The following MCTP1 variants were observed in gnomAD, a reference collection of about 807,000 sequenced individuals.
MCTP1 encodes multiple C2 and transmembrane domain-containing protein 1.
Under a neutral mutation model 120.6 loss-of-function variants are expected in MCTP1, and 69 were observed. The ratio of observed to expected loss-of-function variants is 0.57; its 90% confidence interval spans 0.47 to 0.70. The LOEUF (loss-of-function observed/expected upper bound fraction) is 0.70, where lower values mean the gene tolerates loss of function less well. Among genes scored for constraint, MCTP1 ranks in the 30% least tolerant of loss-of-function variants. The pLI, the probability that MCTP1 is intolerant of heterozygous loss-of-function variation, is 0.00. For synonymous variants in MCTP1, 529 were observed against 493.1 expected (o/e 1.07, Z -0.96); for missense variants, 1,203 against 1,248.8 (o/e 0.96, Z 0.55).
intron 1 of MCTP1, among the ~76,000 whole-genome samples, chr5:95,165,675 C>T (rs559794687): frequency 2.6e-5 from 4 of 152,302 alleles, no homozygotes; most frequent in African/African-American, 9.6e-5. Context: ...CTGAAGTCCG[C>T]TTGAAACTTA....
At chr5:95,255,794 T>C (rs1757823983) in intron 1 of MCTP1, among the ~76,000 whole-genome samples, 1 of 152,110 alleles carries the variant, frequency 6.6e-6, no homozygotes, top group Admixed American at 6.5e-5. Flanking sequence ...CAATCAAGCA[T>C]CTAACTGCAT....
At chr5:94,924,104 A>G (rs1812398797) in intron 6 of MCTP1, 83 bp from the exon 7 acceptor site, 1 of 858,184 alleles carries the variant, frequency 1.2e-6, no homozygotes. Flanking sequence ...ATAAAATCAA[A>G]GCAAATAAAA....
intron 2 of MCTP1, among the ~76,000 whole-genome samples, chr5:95,016,460 G>C (rs1253796849): frequency 3.9e-5 from 6 of 151,934 alleles, no homozygotes; most frequent in African/African-American, 1.5e-4. Flanking sequence ...TAAAATTGCA[G>C]CCCTAATCTG....
chr5:95,039,622 G>T (rs1162973626), intron 1 of MCTP1, among the ~76,000 whole-genome samples: 1 of 152,036 alleles, frequency 6.6e-6, no homozygotes, highest in African/African-American at 2.4e-5. Context: ...CAGTAAACAA[G>T]TCTGTGATAG....
intron 1 of MCTP1, among the ~76,000 whole-genome samples, chr5:95,251,384 G>C (rs931707311): frequency 6.6e-6 from 1 of 152,150 alleles, no homozygotes; most frequent in Non-Finnish European, 1.5e-5. Context: ...TCAGGTTGAA[G>C]AAGGAGGCAG....
chr5:95,037,114 C>G (rs566897179), intron 1 of MCTP1, among the ~76,000 whole-genome samples: 102 of 152,308 alleles, frequency 6.7e-4, no homozygotes, highest in African/African-American at 2.0e-3. Context: ...AGTCCTCCAC[C>G]TCCTTCAACC....
chr5:95,276,828 T>G (rs1759884080), intron 1 of MCTP1, among the ~76,000 whole-genome samples: 1 of 151,662 alleles, frequency 6.6e-6, no homozygotes, highest in Admixed American at 6.6e-5. Context: ...GGCGGGCGCC[T>G]GCAGTCTCAG....
intron 17 of MCTP1, among the ~76,000 whole-genome samples, chr5:94,804,281 C>A (rs746160058): frequency 2.6e-5 from 4 of 152,160 alleles, no homozygotes; most frequent in Non-Finnish European, 5.9e-5. Flanking sequence ...TCATAGGACC[C>A]TGTGCAAGTC....
chr5:95,017,469 C>T lies in MCTP1; in HGVS notation c.736G>A (p.Ala246Thr). The T allele has an allele frequency of 6.3e-7, 1 of 1,596,860 alleles. No individual in the cohort carries two copies. The highest frequency in any genetic ancestry group is 8.5e-7 in the Non-Finnish European group (1 of 1,171,090). The change falls in exon 2 of 23, where the codon GCT (alanine) becomes ACT (threonine). Residue 246 changes from alanine (A) to threonine (T), a missense_variant. By Grantham distance (58) the Ala-to-Thr change is moderately conservative. This residue lies in a region of MCTP1 where 463 missense variants were observed against 377.8 expected (regional missense o/e 1.23). Transcript: ENST00000515393. ...HGSSQKIINT[A>T]GTSNAEVPLA... ...GGGACTTCTGCATTACTGGTTCCAGCAGTGTTTATTATTTTCTGGAAAACA... is the reference window on the plus strand; with the variant it reads ...GGGACTTCTGCATTACTGGTTCCAGTAGTGTTTATTATTTTCTGGAAAACA...
At chr5:94,711,647 G>A (rs1207284387) in intron 20 of MCTP1, among the ~76,000 whole-genome samples, 1 of 151,854 alleles carries the variant, frequency 6.6e-6, no homozygotes, top group East Asian at 1.9e-4. Flanking sequence ...GACTGGGTCA[G>A]AGAAGGCTGC....
chr5:95,156,540 T>C (rs1325017490), intron 1 of MCTP1, among the ~76,000 whole-genome samples: 3 of 152,220 alleles, frequency 2.0e-5, no homozygotes, highest in African/African-American at 7.2e-5. Context: ...TCACAGACAC[T>C]ACTTCCCTAA....
chr5:95,032,626 A>C (rs1252992283), intron 1 of MCTP1, among the ~76,000 whole-genome samples: 2 of 152,096 alleles, frequency 1.3e-5, no homozygotes, highest in Non-Finnish European at 2.9e-5. Context: ...AAATGCCTAC[A>C]TCAGAAAGAT....
At chr5:95,036,197 C>T (rs1424993980) in intron 1 of MCTP1, among the ~76,000 whole-genome samples, 2 of 152,110 alleles carry the variant, frequency 1.3e-5, no homozygotes, top group Admixed American at 1.3e-4. Flanking sequence ...ACCTTCCTTG[C>T]CATAAATGCT....
At chr5:95,115,207 C>G (rs1347137838) in intron 1 of MCTP1, among the ~76,000 whole-genome samples, 2 of 152,128 alleles carry the variant, frequency 1.3e-5, no homozygotes, top group Admixed American at 6.5e-5. Context: ...CTTAACTGTT[C>G]AATGCCCAGA....
At chr5:95,278,559 G>A (rs1222568856) in intron 1 of MCTP1, among the ~76,000 whole-genome samples, 1 of 152,136 alleles carries the variant, frequency 6.6e-6, no homozygotes, top group Non-Finnish European at 1.5e-5. Flanking sequence ...CAGTTATCAA[G>A]AAATGGTCTT....
chr5:94,894,669 C>T lies in MCTP1; in HGVS notation c.1819G>A (p.Glu607Lys). 2.5e-6 allele frequency: 4 copies of T among 1,609,990 alleles called. 1 individual carries two copies. The South Asian group carries it at 3.3e-5, about 13-fold the overall frequency. Residue 607 changes from glutamate to lysine, a missense_variant, in exon 11 of 23, where the codon GAG becomes AAG. Transcript: ENST00000515393. ...VNSLEDQKER[E>K]EILKRYSPLR... Reference sequence around the variant, plus strand: ...CGTACATATCTCTTTAATATCTCCTCTCGTTCCTTCTGGTCCTCCAGGGAG... The same window carrying T: ...CGTACATATCTCTTTAATATCTCCTTTCGTTCCTTCTGGTCCTCCAGGGAG...
Position 95,142,220 on chromosome 5 carries a change from T to G in MCTP1, c.721-124736A>C, listed in dbSNP as rs532147110. Reference sequence around the variant, plus strand: ...GATTTTAACAACACAGATTTTAGCTTGGTCATTGTCTCCAGAAAAAAACAC... The same window carrying G: ...GATTTTAACAACACAGATTTTAGCTGGGTCATTGTCTCCAGAAAAAAACAC... On this transcript the variant is annotated intron_variant, in intron 1 of 22. Coordinates refer to ENST00000515393, the MANE Select transcript of MCTP1 (RefSeq NM_024717.7). Among the ~76,000 whole-genome samples, 85 of 152,324 alleles carry G rather than the reference T, an allele frequency of 5.6e-4. 1 individual carries two copies. The highest frequency in any genetic ancestry group is 1.9e-3 in the African/African-American group (80 of 41,578).
chr5:94,744,616 G>A (rs1442222520), intron 19 of MCTP1, among the ~76,000 whole-genome samples: 4 of 152,176 alleles, frequency 2.6e-5, no homozygotes, highest in South Asian at 2.1e-4. Context: ...GGATTCTCAC[G>A]CCTCAGCCTT....
intron 1 of MCTP1, among the ~76,000 whole-genome samples, chr5:95,033,875 C>T (rs868470987): frequency 2.0e-5 from 3 of 152,040 alleles, no homozygotes; most frequent in South Asian, 2.1e-4. Context: ...AGTGAAGTTT[C>T]AGGATAGAAG....
Sources: allele counts gnomAD v4.1 joint callset (sites outside exome capture counted in the v4.1 genomes callset), GRCh38; gene constraint gnomAD v4.1.1; regional missense constraint gnomAD v4.1.1; transcripts MANE v1.5; gene names NCBI Gene and HGNC (gene_info 2026-07-23, HGNC 2026-07-21).